DLGAP2: variants seen among roughly 807,000 people sequenced by gnomAD.
DLGAP2 encodes the protein disks large-associated protein 2.
In DLGAP2, 26 loss-of-function variants were observed where a neutral mutation model predicts 100.3. The ratio of observed to expected loss-of-function variants is 0.26; its 90% CI spans 0.19 to 0.36. DLGAP2 has a LOEUF of 0.36. Ranked by LOEUF, DLGAP2 falls within the 10% of genes least tolerant of loss-of-function variation. DLGAP2 has a pLI of 1.00. For missense variants in DLGAP2, 1,858 were observed against 1,453.2 expected (o/e 1.28, Z -4.53); for synonymous variants, 886 against 630.1 (o/e 1.41, Z -6.08).
chr8:1,125,502 C>T (rs542557978), intron 2 of DLGAP2, among the ~76,000 whole-genome samples: 1 of 152,166 alleles, frequency 6.6e-6, no homozygotes, highest in South Asian at 2.1e-4. Flanking sequence ...GCCATATAAC[C>T]ACTTATTTTG....
intron 2 of DLGAP2, among the ~76,000 whole-genome samples, chr8:928,488 C>A (rs942223240): frequency 6.6e-6 from 1 of 152,164 alleles, no homozygotes; most frequent in East Asian, 1.9e-4. Flanking sequence ...TGCTCAGGTG[C>A]CTGTTTGATT....
At chr8:845,368 T>C (rs1425138778) in intron 1 of DLGAP2, among the ~76,000 whole-genome samples, 1 of 152,202 alleles carries the variant, frequency 6.6e-6, no homozygotes, top group Non-Finnish European at 1.5e-5. Context: ...TTGTGGTATT[T>C]TAGGGTATGG....
intron 2 of DLGAP2, among the ~76,000 whole-genome samples, chr8:1,160,704 C>T (rs539175678): frequency 2.3e-4 from 35 of 152,238 alleles, no homozygotes; most frequent in Non-Finnish European, 4.1e-4. Flanking sequence ...CGGACCCTAA[C>T]ATCAGCATGG....
At chr8:1,529,467 C>T (rs1800912024) in intron 4 of DLGAP2, among the ~76,000 whole-genome samples, 1 of 152,162 alleles carries the variant, frequency 6.6e-6, no homozygotes, top group Admixed American at 6.5e-5. Context: ...CCGAAGACTT[C>T]AGAAGCAACA....
At chr8:1,112,421 T>C (rs1410241156) in intron 2 of DLGAP2, among the ~76,000 whole-genome samples, 1 of 152,064 alleles carries the variant, frequency 6.6e-6, no homozygotes, top group Non-Finnish European at 1.5e-5. Flanking sequence ...TTTGTATTTT[T>C]ATTAGAGACA....
chr8:1,068,186 A>G (rs551140702), intron 2 of DLGAP2, among the ~76,000 whole-genome samples: 1 of 152,226 alleles, frequency 6.6e-6, no homozygotes, highest in East Asian at 1.9e-4. Flanking sequence ...GAATGCTCAT[A>G]GTTTATCTGT....
chr8:746,547 G>A (rs1350720448), intron 1 of DLGAP2, among the ~76,000 whole-genome samples: 1 of 152,276 alleles, frequency 6.6e-6, no homozygotes, highest in African/African-American at 2.4e-5. Flanking sequence ...GCCGTCCACT[G>A]TGGTCATGGC....
At chr8:812,359 G>A (rs1018898712) in intron 1 of DLGAP2, among the ~76,000 whole-genome samples, 9 of 152,172 alleles carry the variant, frequency 5.9e-5, no homozygotes, top group Non-Finnish European at 1.2e-4. Flanking sequence ...TGGAGTTAGC[G>A]ATGGTGTCTG....
intron 8 of DLGAP2, among the ~76,000 whole-genome samples, chr8:1,641,057 A>G (rs1027921436): frequency 6.6e-6 from 1 of 152,108 alleles, no homozygotes; most frequent in Admixed American, 6.5e-5. Context: ...CCTGGGAGAC[A>G]CGGGTAAGGG....
intron 2 of DLGAP2, among the ~76,000 whole-genome samples, chr8:948,837 G>A (rs1413323773): frequency 6.6e-6 from 1 of 152,268 alleles, no homozygotes; most frequent in African/African-American, 2.4e-5. Flanking sequence ...CTTTGGAGCA[G>A]AGGCGCGTCC....
rs570560019 is a variant in DLGAP2, at chr8:1,269,454, T to A, written c.106+10571T>A. 5.3e-5 allele frequency among the ~76,000 whole-genome samples: 8 copies of A among 152,320 alleles called. No individual in the cohort carries two copies. The South Asian group carries it at 1.7e-3, about 32-fold the overall frequency. On this transcript the variant is annotated intron_variant, in intron 3 of 14. Coordinates refer to ENST00000637795, the MANE Select transcript of DLGAP2 (RefSeq NM_001346810.2). ...TTCCTGTAACACTTGCTCCAGGGCTTGTGTTTACACATTTGAGCTGAGTTT... is the reference window on the plus strand; with the variant it reads ...TTCCTGTAACACTTGCTCCAGGGCTAGTGTTTACACATTTGAGCTGAGTTT...
chr8:962,349 G>A (rs1409334989), intron 2 of DLGAP2, among the ~76,000 whole-genome samples: 3 of 152,184 alleles, frequency 2.0e-5, no homozygotes, highest in Non-Finnish European at 4.4e-5. Flanking sequence ...CCTCATCAGT[G>A]CCATCCGGTC....
chr8:881,495 TC>T (rs1446912091), intron 1 of DLGAP2, among the ~76,000 whole-genome samples: 2 of 58,686 alleles, frequency 3.4e-5, no homozygotes, highest in African/African-American at 6.4e-5. Flanking sequence ...ATTTCATCTC[TC>T]TTTTTTTTTT....
chr8:876,872 G>A (rs1054482326), intron 1 of DLGAP2, among the ~76,000 whole-genome samples: 1 of 151,744 alleles, frequency 6.6e-6, no homozygotes, highest in South Asian at 2.1e-4. Context: ...GATCTGTTTT[G>A]CAGTTTGCTT....
chr8:949,349 C>T (rs965932720), intron 2 of DLGAP2, among the ~76,000 whole-genome samples: 2 of 152,162 alleles, frequency 1.3e-5, no homozygotes, highest in African/African-American at 2.4e-5. Flanking sequence ...GCAGACACCA[C>T]GCTGGATAGT....
intron 3 of DLGAP2, among the ~76,000 whole-genome samples, chr8:1,491,077 C>CAAAAA (rs386411871): frequency 1.4e-4 from 9 of 64,514 alleles, no homozygotes; most frequent in East Asian, 1.0e-3. Context: ...AACTGGAAAC[C>CAAAAA]AAAAAAAAAA....
intron 2 of DLGAP2, among the ~76,000 whole-genome samples, chr8:940,690 C>T (rs1799175835): frequency 6.6e-6 from 1 of 152,168 alleles, no homozygotes; most frequent in African/African-American, 2.4e-5. Context: ...TGCTCTCCCT[C>T]TTCTCCCATG....
intron 3 of DLGAP2, among the ~76,000 whole-genome samples, chr8:1,366,745 A>G (rs1019572535): frequency 1.3e-5 from 2 of 152,202 alleles, no homozygotes; most frequent in African/African-American, 2.4e-5. Context: ...AGCAGGCATC[A>G]TCCAGGAGGC....
intron 3 of DLGAP2, among the ~76,000 whole-genome samples, chr8:1,498,451 C>T (rs765564893): frequency 8.6e-5 from 13 of 151,922 alleles, no homozygotes; most frequent in African/African-American, 2.4e-4. Context: ...GTGATGTGCC[C>T]GAGTCAGGTT....
Sources: gnomAD v4.1 joint callset for allele counts (sites outside exome capture counted in the v4.1 genomes callset) on GRCh38, gnomAD v4.1.1 for gene constraint, MANE v1.5 for transcripts, NCBI Gene and HGNC (gene_info 2026-07-23, HGNC 2026-07-21) for gene names.